The following SSH2 variants were observed in gnomAD, a reference collection of about 807,000 sequenced individuals.
The protein encoded by SSH2 is slingshot protein phosphatase 2.
SSH2 carries 37 observed loss-of-function variants against 135.2 expected under a neutral mutation model. The observed-to-expected ratio is 0.27, with a 90% confidence interval of 0.21 to 0.36. The LOEUF is 0.36. SSH2 is among the 10% of genes least tolerant of loss of function. SSH2 has a pLI of 1.00. For missense variants in SSH2, 1,408 were observed against 1,765.3 expected, an observed-to-expected ratio of 0.80 and a Z score of 3.63; for synonymous variants, 628 against 646.2, an observed-to-expected ratio of 0.97 and a Z score of 0.43.
At chr17:29,804,887 TCTAA>T (rs2042313577) in intron 2 of SSH2, among the ~76,000 whole-genome samples, 1 of 132,710 alleles carries the variant, frequency 7.5e-6, no homozygotes, top group South Asian at 2.4e-4. Flanking sequence ...AGAGATGAGG[TCTAA>T]CTAAGTTGCC....
rs562621020 is a variant in SSH2, at chr17:29,652,680, T to C, written c.1080-1880A>G. The stretch of plus-strand genomic sequence containing the variant: ...ATTTATTTATTTATTTTCCCCAAGA[T>C]GGAGGCTTGCTCTGTCGCCCAGATC... On this transcript the variant is annotated intron_variant, in intron 12 of 15. Transcript: ENST00000540801. 5.9e-5 allele frequency among the ~76,000 whole-genome samples: 9 copies of C among 152,308 alleles called. No homozygotes were observed. In the East Asian group the frequency reaches 1.3e-3, roughly 23 times the overall value.
chr17:29,648,895 C>T (rs1246970118), intron 13 of SSH2, among the ~76,000 whole-genome samples: 1 of 152,104 alleles, frequency 6.6e-6, no homozygotes, highest in Non-Finnish European at 1.5e-5. Context: ...AATCCCAGCA[C>T]TTTGGGAGGC....
chr17:29,825,888 G>C (rs963534117), intron 2 of SSH2, among the ~76,000 whole-genome samples: 1 of 152,164 alleles, frequency 6.6e-6, no homozygotes, highest in Non-Finnish European at 1.5e-5. Flanking sequence ...AGCCCTAAAA[G>C]CAGGTTTAGT....
At chr17:29,661,061 C>CAAAAAAAAAAAAAAAAAAAAAAA (rs374216221) in intron 11 of SSH2, among the ~76,000 whole-genome samples, 3 of 48,356 alleles carry the variant, frequency 6.2e-5, no homozygotes, top group African/African-American at 2.0e-4. Flanking sequence ...AATTCCATCT[C>CAAAAAAAAAAAAAAAAAAAAAAA]AAAAAAAAAA....
intron 1 of SSH2, among the ~76,000 whole-genome samples, chr17:29,896,763 T>A (rs2066453091): frequency 6.6e-6 from 1 of 151,804 alleles, no homozygotes; most frequent in Non-Finnish European, 1.5e-5. Flanking sequence ...TATTTAATAT[T>A]ACAAAATACA....
At chr17:29,669,951 G>A (rs568477047) in intron 9 of SSH2, among the ~76,000 whole-genome samples, 48 of 146,252 alleles carry the variant, frequency 3.3e-4, no homozygotes, top group African/African-American at 1.2e-3. Context: ...GTGTGATCTC[G>A]GCTCACTGCA....
intron 2 of SSH2, among the ~76,000 whole-genome samples, chr17:29,841,390 TAA>T (rs754451232): frequency 7.4e-4 from 112 of 152,330 alleles, no homozygotes; most frequent in Non-Finnish European, 1.2e-3. Flanking sequence ...ACAGGAAGAA[TAA>T]GTCTTTATAC....
chr17:29,859,410 G>A (rs1431114625), intron 1 of SSH2, among the ~76,000 whole-genome samples: 1 of 151,966 alleles, frequency 6.6e-6, no homozygotes, highest in African/African-American at 2.4e-5. Context: ...TTAAACCTAG[G>A]ACTCATTAGT....
intron 1 of SSH2, among the ~76,000 whole-genome samples, chr17:29,902,164 T>G (rs1251777561): frequency 6.6e-6 from 1 of 152,194 alleles, no homozygotes; most frequent in Non-Finnish European, 1.5e-5. Flanking sequence ...TACACTACTT[T>G]CTGAAAGATA....
At chr17:29,743,907 CT>C (rs59540894) in intron 3 of SSH2, among the ~76,000 whole-genome samples, 1,477 of 99,794 alleles carry the variant, frequency 0.015, 20 homozygotes, top group African/African-American at 0.045. Flanking sequence ...TTCTTTTTTC[CT>C]TTTTTTTTTT....
chr17:29,803,012 A>AGATAATG (rs1205451601), intron 2 of SSH2, among the ~76,000 whole-genome samples: 1 of 152,208 alleles, frequency 6.6e-6, no homozygotes, highest in African/African-American at 2.4e-5. Context: ...AAACTGGAAG[A>AGATAATG]GATAATGCCA....
intron 9 of SSH2, 130 bp from the exon 10 acceptor site, chr17:29,667,353 G>A: frequency 2.8e-6 from 2 of 705,268 alleles, no homozygotes; most frequent in Non-Finnish European, 4.7e-6. Context: ...CGGTTCTAGA[G>A]ATCAACAACT....
At chr17:29,760,584 T>G (rs913643024) in intron 3 of SSH2, among the ~76,000 whole-genome samples, 1 of 152,172 alleles carries the variant, frequency 6.6e-6, no homozygotes, top group Non-Finnish European at 1.5e-5. Context: ...CGTGCAGGCT[T>G]GGGCTGTGAG....
chr17:29,765,594 A>G (rs950247281), intron 3 of SSH2, among the ~76,000 whole-genome samples: 2 of 152,200 alleles, frequency 1.3e-5, no homozygotes, highest in African/African-American at 4.8e-5. Flanking sequence ...AACATTAGAA[A>G]GTGGCAATGA....
intron 2 of SSH2, among the ~76,000 whole-genome samples, chr17:29,827,792 A>G (rs551832038): frequency 1.3e-5 from 2 of 152,214 alleles, no homozygotes; most frequent in East Asian, 3.9e-4. Context: ...CAGAAAAAAA[A>G]AAAACCCCAG....
At chr17:29,663,220 G>A (rs371642193) in intron 11 of SSH2, among the ~76,000 whole-genome samples, 21 of 152,250 alleles carry the variant, frequency 1.4e-4, no homozygotes, top group African/African-American at 5.1e-4. Flanking sequence ...GTACACTGCA[G>A]AACTGAGCAT....
At chr17:29,829,005 A>G (rs1383059941) in intron 2 of SSH2, among the ~76,000 whole-genome samples, 2 of 152,176 alleles carry the variant, frequency 1.3e-5, no homozygotes, top group Non-Finnish European at 2.9e-5. Context: ...ATGTTTCTGT[A>G]CCATTTGAGA....
intron 1 of SSH2, among the ~76,000 whole-genome samples, chr17:29,872,596 A>G (rs1403673955): frequency 1.3e-5 from 2 of 152,092 alleles, no homozygotes; most frequent in Non-Finnish European, 2.9e-5. Flanking sequence ...TCTCTACAAA[A>G]ATAAAAAATA....
chr17:29,720,154 A>C (rs138683454), intron 3 of SSH2, among the ~76,000 whole-genome samples: 2 of 152,202 alleles, frequency 1.3e-5, no homozygotes, highest in Non-Finnish European at 2.9e-5. Context: ...TACAACAAGG[A>C]CACCACAGTC....
Sources: gnomAD v4.1 joint callset for allele counts (sites outside exome capture counted in the v4.1 genomes callset) on GRCh38, gnomAD v4.1.1 for gene constraint, MANE v1.5 for transcripts, NCBI Gene and HGNC (gene_info 2026-07-23, HGNC 2026-07-21) for gene names.